FKBP5: variants seen among roughly 807,000 people sequenced by gnomAD.
FKBP5 encodes the protein FKBP prolyl isomerase 5.
Under a neutral mutation model 50.5 loss-of-function variants are expected in FKBP5, and 23 were observed. The ratio of observed to expected loss-of-function variants is 0.46; its 90% CI spans 0.33 to 0.65. The LOEUF is 0.65. Among genes scored for constraint, FKBP5 ranks in the 30% least tolerant of loss-of-function variants. FKBP5 has a pLI of 0.02. For synonymous variants in FKBP5, 176 were observed against 190.6 expected (o/e 0.92, Z 0.63); for missense variants, 411 against 553.1 (o/e 0.74, Z 2.58).
At chr6:35,648,315 G>C (rs531409154) in intron 1 of FKBP5, among the ~76,000 whole-genome samples, 2 of 152,224 alleles carry the variant, frequency 1.3e-5, no homozygotes, top group East Asian at 3.9e-4. Flanking sequence ...TGTTGCCCAG[G>C]CTGGAGTGCA....
At chr6:35,666,767 T>C (rs1336965386) in intron 1 of FKBP5, among the ~76,000 whole-genome samples, 5 of 152,022 alleles carry the variant, frequency 3.3e-5, no homozygotes, top group Non-Finnish European at 5.9e-5. Flanking sequence ...CAGGCGCCTA[T>C]AATCCCAGCT....
chr6:35,694,207 G>A (rs778995705), intron 2 of FKBP5, among the ~76,000 whole-genome samples: 18 of 152,114 alleles, frequency 1.2e-4, no homozygotes, highest in African/African-American at 1.9e-4. Context: ...GTGCGGTGGC[G>A]TGATCATGGC....
intron 6 of FKBP5, among the ~76,000 whole-genome samples, chr6:35,595,709 C>T (rs1259369511): frequency 6.6e-6 from 1 of 151,708 alleles, no homozygotes; most frequent in Non-Finnish European, 1.5e-5. Context: ...GTGACTGTGC[C>T]ACTGCACTCT....
intron 2 of FKBP5, among the ~76,000 whole-genome samples, chr6:35,641,268 C>T (rs1051226902): frequency 6.6e-5 from 10 of 152,154 alleles, no homozygotes; most frequent in Non-Finnish European, 1.0e-4. Flanking sequence ...CAGGCATGAG[C>T]CACTGCACTC....
chr6:35,655,635 C>A (rs957634088), intron 1 of FKBP5, among the ~76,000 whole-genome samples: 1 of 152,118 alleles, frequency 6.6e-6, no homozygotes, highest in African/African-American at 2.4e-5. Context: ...GAGATGATCA[C>A]GATTTTCAAA....
intron 3 of FKBP5, among the ~76,000 whole-genome samples, chr6:35,634,760 G>T (rs1764259178): frequency 6.6e-6 from 1 of 152,006 alleles, no homozygotes; most frequent in South Asian, 2.1e-4. Flanking sequence ...GCTTGTCTGT[G>T]GCAGACAAGA....
At chr6:35,626,495 T>TG (rs903380147) in intron 3 of FKBP5, among the ~76,000 whole-genome samples, 1 of 152,292 alleles carries the variant, frequency 6.6e-6, no homozygotes, top group Non-Finnish European at 1.5e-5. Flanking sequence ...CGCTTAATTG[T>TG]GGGGGGATAA....
intron 3 of FKBP5, among the ~76,000 whole-genome samples, chr6:35,635,782 A>C (rs1487173269): frequency 6.6e-6 from 1 of 152,224 alleles, no homozygotes; most frequent in Non-Finnish European, 1.5e-5. Flanking sequence ...TTGTAACACG[A>C]GACAACCAGA....
intron 1 of FKBP5, among the ~76,000 whole-genome samples, chr6:35,654,150 T>C (rs1764886719): frequency 6.6e-6 from 1 of 152,226 alleles, no homozygotes; most frequent in Admixed American, 6.5e-5. Context: ...ATCATAGTTA[T>C]TTGCAGCAAA....
intron 2 of FKBP5, among the ~76,000 whole-genome samples, chr6:35,717,670 G>T (rs1325247762): frequency 1.3e-5 from 2 of 152,228 alleles, no homozygotes; most frequent in African/African-American, 2.4e-5. Flanking sequence ...ATGGCTGTGG[G>T]AACAGGAGTC....
At position 35,677,379 on chromosome 6, in the gene FKBP5, AG is replaced by A. The variant is rs562353254; in HGVS notation, c.-20+11424del. The stretch of plus-strand genomic sequence containing the variant: ...TGAGCCACCACACCCAGCCCAGCAA[AG>A]GTGGATTTTTAAAGGGAACTATCTT... On this transcript the variant is annotated intron_variant, in intron 1 of 10. Transcript: ENST00000357266. Among the ~76,000 whole-genome samples the A allele has an allele frequency of 2.8e-3, 419 of 152,298 alleles. 3 individuals carry two copies. Among genetic ancestry groups the A allele is most frequent in the African/African-American group, 7.2e-3 (299 of 41,578 alleles).
intron 5 of FKBP5, among the ~76,000 whole-genome samples, chr6:35,599,756 A>G (rs958457197): frequency 6.6e-6 from 1 of 152,240 alleles, no homozygotes. Context: ...ATAAATGCTG[A>G]TAATTCCTTC....
chr6:35,696,297 A>G (rs1581892092), intron 2 of FKBP5, among the ~76,000 whole-genome samples: 1 of 151,938 alleles, frequency 6.6e-6, no homozygotes, highest in Non-Finnish European at 1.5e-5. Context: ...AGGTGGAAGG[A>G]GTGCTTGAGT....
intron 1 of FKBP5, among the ~76,000 whole-genome samples, chr6:35,677,027 TAG>T (rs1765539082): frequency 6.6e-6 from 1 of 152,204 alleles, no homozygotes; most frequent in Admixed American, 6.5e-5. Context: ...AGTAATGAAA[TAG>T]AGTGTCACGT....
At chr6:35,727,402 G>C (rs1766736600) in intron 1 of FKBP5, among the ~76,000 whole-genome samples, 1 of 152,172 alleles carries the variant, frequency 6.6e-6, no homozygotes, top group African/African-American at 2.4e-5. Context: ...AGATTCCAGG[G>C]GCAGTTTGGG....
At chr6:35,681,614 T>C (rs898502811) in intron 1 of FKBP5, among the ~76,000 whole-genome samples, 2 of 152,200 alleles carry the variant, frequency 1.3e-5, no homozygotes, top group Non-Finnish European at 2.9e-5. Context: ...CAGTAGTTTA[T>C]TCCTACTGTG....
chr6:35,615,155 T>TACACACACACAC (rs34301531), intron 5 of FKBP5, among the ~76,000 whole-genome samples: 365 of 143,532 alleles, frequency 2.5e-3, no homozygotes, highest in Admixed American at 4.2e-3. Context: ...CAACAACAAC[T>TACACACACACAC]ACACACACAC....
At chr6:35,612,790 G>A (rs938869428) in intron 5 of FKBP5, among the ~76,000 whole-genome samples, 7 of 152,172 alleles carry the variant, frequency 4.6e-5, no homozygotes, top group African/African-American at 7.2e-5. Context: ...CAGCATGGGA[G>A]AAAATGCCCC....
intron 6 of FKBP5, among the ~76,000 whole-genome samples, chr6:35,596,613 C>T (rs961774051): frequency 6.6e-6 from 1 of 152,086 alleles, no homozygotes; most frequent in African/African-American, 2.4e-5. Flanking sequence ...GTCTGTTTCT[C>T]AAGACAGAAG....
Sources: allele counts gnomAD v4.1 joint callset (sites outside exome capture counted in the v4.1 genomes callset), GRCh38; gene constraint gnomAD v4.1.1; transcripts MANE v1.5; gene names NCBI Gene and HGNC (gene_info 2026-07-23, HGNC 2026-07-21).